PKP2: variants seen among roughly 807,000 people sequenced by gnomAD.
PKP2 encodes the protein plakophilin 2.
A neutral mutation model predicts 83.4 loss-of-function variants in PKP2; 73 were observed. The observed-to-expected ratio is 0.88, with a 90% CI of 0.72 to 1.06. PKP2 has a LOEUF of 1.06. Ranked by LOEUF, PKP2 falls within the 50% of genes least tolerant of loss-of-function variation. The pLI is 0.00. For missense variants in PKP2, 966 were observed against 1,065.4 expected, an observed-to-expected ratio of 0.91 and a Z score of 1.30; for synonymous variants, 409 against 430.4, an observed-to-expected ratio of 0.95 and a Z score of 0.62.
At chr12:32,882,869 G>C (rs1308137040) in intron 1 of PKP2, among the ~76,000 whole-genome samples, 1 of 152,078 alleles carries the variant, frequency 6.6e-6, no homozygotes, top group Non-Finnish European at 1.5e-5. Flanking sequence ...CCTTTCCCCT[G>C]GTCTCTGCTG....
intron 10 of PKP2, 131 bp downstream of exon 10, chr12:32,802,272 G>A (rs909639100): frequency 4.8e-5 from 43 of 904,942 alleles, no homozygotes; most frequent in Non-Finnish European, 7.6e-5. Flanking sequence ...CAAAAGGCAG[G>A]CCGGTTTATC....
At chr12:32,894,162 G>C (rs1191469541) in intron 1 of PKP2, 1 of 152,092 alleles carries the variant, frequency 6.6e-6, no homozygotes, top group Non-Finnish European at 1.5e-5. Flanking sequence ...CCCGACCTCA[G>C]GTGATCCTCC....
chr12:32,819,980 A>G (rs1956361756), intron 9 of PKP2, among the ~76,000 whole-genome samples: 1 of 151,852 alleles, frequency 6.6e-6, no homozygotes, highest in African/African-American at 2.4e-5. Flanking sequence ...GTTTTGGGAA[A>G]CCTAGCATAG....
chr12:32,829,745 C>A (rs1024837446), intron 6 of PKP2, among the ~76,000 whole-genome samples: 1 of 151,906 alleles, frequency 6.6e-6, no homozygotes, highest in African/African-American at 2.4e-5. Flanking sequence ...ACTGCAACCT[C>A]CGCTGCCCAA....
chr12:32,806,686 T>TTGTGTGTGTGTG lies in PKP2; in HGVS notation c.2014-4142_2014-4131dup, dbSNP rs140484431. ...TGAATTTGTTGATTTTTTGAAGGGT[T>TTGTGTGTGTGTG]TGTGTGTGTGTGTGTGTGTCTGTAT... On this transcript the variant is annotated intron_variant, in intron 9 of 12. Transcript: ENST00000340811. Among the ~76,000 whole-genome samples the TTGTGTGTGTGTG allele has an allele frequency of 2.2e-3, 322 of 149,714 alleles. 2 individuals are homozygous for TTGTGTGTGTGTG. Among genetic ancestry groups the TTGTGTGTGTGTG allele is most frequent in the African/African-American group, 6.5e-3 (264 of 40,602 alleles).
At chr12:32,826,259 T>C (rs1263166824) in intron 6 of PKP2, among the ~76,000 whole-genome samples, 1 of 135,262 alleles carries the variant, frequency 7.4e-6, no homozygotes, top group Non-Finnish European at 1.5e-5. Context: ...TGAGCCGAGA[T>C]CGTGCCACTG....
chr12:32,867,245 T>G (rs1325385063), intron 4 of PKP2, among the ~76,000 whole-genome samples: 1 of 152,198 alleles, frequency 6.6e-6, no homozygotes, highest in African/African-American at 2.4e-5. Context: ...GGAGGATTGC[T>G]TGAGCCCAGA....
At chr12:32,850,596 T>C (rs1956686787) in intron 5 of PKP2, among the ~76,000 whole-genome samples, 170 bp downstream of exon 5, 1 of 150,942 alleles carries the variant, frequency 6.6e-6, no homozygotes. Flanking sequence ...CGAATGTGGC[T>C]CAAATCTGGA....
rs35990527 is a variant in PKP2 at position 32,793,613 on chromosome 12, C to CTTTTTTTTT, written c.2358-891_2358-883dup. On this transcript the variant is annotated intron_variant, in intron 11 of 12. Coordinates refer to ENST00000340811, the MANE Select transcript of PKP2 (RefSeq NM_001005242.3). ...ACTGTACTTAGTCTTTCATATTCTG[C>CTTTTTTTTT]TTTTTTTTTTTTTTTTTTTTTTTTG... Among the ~76,000 whole-genome samples the CTTTTTTTTT allele has an allele frequency of 5.3e-3, 410 of 76,726 alleles. 40 individuals are homozygous for CTTTTTTTTT. The highest frequency in any genetic ancestry group is 0.019 in the African/African-American group (339 of 17,390). The allele number at this position is 76,726 out of a possible 152,430, so 50.3% of individuals were successfully genotyped here. A position where few individuals can be genotyped will look rare whatever the true frequency, so the allele number is the denominator to read the frequency against.
chr12:32,891,200 C>T (rs1012886776), intron 1 of PKP2, among the ~76,000 whole-genome samples: 4 of 152,104 alleles, frequency 2.6e-5, no homozygotes, highest in African/African-American at 7.2e-5. Flanking sequence ...TAGACATGCA[C>T]AAGATACCTG....
At chr12:32,886,630 A>C (rs1957032730) in intron 1 of PKP2, among the ~76,000 whole-genome samples, 1 of 152,192 alleles carries the variant, frequency 6.6e-6, no homozygotes, top group African/African-American at 2.4e-5. Context: ...CCAGATATTG[A>C]TGGAAATCAC....
chr12:32,868,388 AT>A (rs992249974), intron 4 of PKP2, among the ~76,000 whole-genome samples: 2 of 149,380 alleles, frequency 1.3e-5, no homozygotes, highest in Non-Finnish European at 1.5e-5. Flanking sequence ...TAATTTTTGT[AT>A]TTTTTTTTAG....
At chr12:32,881,097 G>C (rs1356873958) in intron 1 of PKP2, among the ~76,000 whole-genome samples, 2 of 152,290 alleles carry the variant, frequency 1.3e-5, no homozygotes, top group East Asian at 3.9e-4. Flanking sequence ...CAAGGGGAGG[G>C]AGAATGGTAA....
chr12:32,859,358 T>C (rs1956779644), intron 4 of PKP2, among the ~76,000 whole-genome samples: 1 of 152,220 alleles, frequency 6.6e-6, no homozygotes, highest in Non-Finnish European at 1.5e-5. Flanking sequence ...AAATGGCAGA[T>C]GATTTATAAT....
chr12:32,827,360 C>G (rs988566413), intron 6 of PKP2, among the ~76,000 whole-genome samples: 2 of 152,158 alleles, frequency 1.3e-5, no homozygotes, highest in Admixed American at 1.3e-4. Flanking sequence ...AAAAATAGTT[C>G]CCACCTTACT....
At chr12:32,879,952 T>C (rs531389998) in intron 1 of PKP2, among the ~76,000 whole-genome samples, 1 of 152,032 alleles carries the variant, frequency 6.6e-6, no homozygotes, top group Admixed American at 6.6e-5. Flanking sequence ...AATTTGGGAC[T>C]CATTGTCTGG....
chr12:32,822,340 T>C (rs1427312552), intron 8 of PKP2, 127 bp downstream of exon 8: 5 of 785,188 alleles, frequency 6.4e-6, no homozygotes, highest in African/African-American at 3.4e-5. Context: ...AAAAGGTTGA[T>C]GTAAGAATTA....
chr12:32,810,608 T>TA (rs1956268077), intron 9 of PKP2, among the ~76,000 whole-genome samples: 1 of 152,216 alleles, frequency 6.6e-6, no homozygotes, highest in Admixed American at 6.5e-5. Flanking sequence ...TTTATTGATC[T>TA]AAGGATACTC....
intron 9 of PKP2, among the ~76,000 whole-genome samples, chr12:32,818,699 T>A (rs992691316): frequency 1.3e-5 from 2 of 152,212 alleles, no homozygotes; most frequent in Non-Finnish European, 2.9e-5. Context: ...TTATATAATC[T>A]GTCTTTTAGG....
Sources: gnomAD v4.1 joint callset for allele counts (sites outside exome capture counted in the v4.1 genomes callset) on GRCh38, gnomAD v4.1.1 for gene constraint, MANE v1.5 for transcripts, NCBI Gene and HGNC (gene_info 2026-07-23, HGNC 2026-07-21) for gene names.